The following NIBAN2 variants were observed in gnomAD, a reference collection of about 807,000 sequenced individuals.
The protein encoded by NIBAN2 is niban apoptosis regulator 2.
In NIBAN2, 36 loss-of-function variants were observed where a neutral mutation model predicts 81.8. The observed-to-expected ratio is 0.44, with a 90% confidence interval of 0.34 to 0.58. The LOEUF is 0.58. NIBAN2 is among the 20% of genes least tolerant of loss of function. The pLI is 0.02. For missense variants in NIBAN2, 897 were observed against 1,014.1 expected (o/e 0.88, Z 1.57); for synonymous variants, 445 against 441.6 (o/e 1.01, Z -0.10).
chr9:127,554,548 C>CTTTTTTTTTTTTTTTTTTTT (rs1230242603), intron 1 of NIBAN2, among the ~76,000 whole-genome samples: 17 of 103,706 alleles, frequency 1.6e-4, no homozygotes, highest in Non-Finnish European at 2.0e-4. Flanking sequence ...TTTTCTTTTT[C>CTTTTTTTTTTTTTTTTTTTT]TTTTTTTTTT....
chr9:127,524,854 A>C, intron 4 of NIBAN2: 1 of 539,182 alleles, frequency 1.9e-6, no homozygotes, highest in Non-Finnish European at 3.3e-6. Context: ...TTACGAGGGA[A>C]GGTCACTGAA....
At chr9:127,575,772 C>T (rs1211780528) in intron 1 of NIBAN2, among the ~76,000 whole-genome samples, 2 of 151,854 alleles carry the variant, frequency 1.3e-5, no homozygotes, top group Admixed American at 6.6e-5. Context: ...TCAGGTGATC[C>T]GCCCGCCTTG....
At chr9:127,550,738 C>G (rs1426878467) in intron 1 of NIBAN2, among the ~76,000 whole-genome samples, 2 of 152,224 alleles carry the variant, frequency 1.3e-5, no homozygotes, top group African/African-American at 2.4e-5. Context: ...GAGGCAGGAC[C>G]CTTCCTGCAA....
At chr9:127,543,303 C>T (rs1047857297) in intron 1 of NIBAN2, among the ~76,000 whole-genome samples, 2 of 152,178 alleles carry the variant, frequency 1.3e-5, no homozygotes, top group African/African-American at 4.8e-5. Flanking sequence ...CTGACATAGA[C>T]CCGGACAACA....
chr9:127,527,126 A>G, intron 3 of NIBAN2, 68 bp downstream of exon 3: 1 of 1,587,058 alleles, frequency 6.3e-7, no homozygotes, highest in Non-Finnish European at 8.6e-7. Flanking sequence ...TAAGTTTCCG[A>G]GTTGGGGGAG....
chr9:127,508,130 G>C lies in NIBAN2; in HGVS notation c.1505C>G (p.Pro502Arg). ...AGGGGCCAGCTTCTTGAGCAGGAAC[G>C]GGATGCTGATCTGCAGCAGCGCCTC... ...FREALLQISI[P>R]FLLKKLAPTC... The change falls in exon 12 of 14, where the codon CCG (proline) becomes CGG (arginine). Residue 502 changes from proline to arginine, a missense_variant. Pro to Arg is a moderately radical substitution (Grantham distance 103). Transcript: ENST00000373312. This position sits in a 1 kb window ranked among gnomAD's most constrained non-coding sequence, Gnocchi z 6.4. The C allele has an allele frequency of 6.2e-7, 1 of 1,613,616 alleles. No homozygotes were observed. Among genetic ancestry groups the C allele is most frequent in the Non-Finnish European group, 8.5e-7 (1 of 1,180,014 alleles).
chr9:127,541,309 A>G (rs1490493153), intron 1 of NIBAN2, among the ~76,000 whole-genome samples: 2 of 152,196 alleles, frequency 1.3e-5, no homozygotes, highest in African/African-American at 4.8e-5. Flanking sequence ...TCGACACACA[A>G]TAGCAGCAGC....
chr9:127,558,076 G>T (rs927779555), intron 1 of NIBAN2, among the ~76,000 whole-genome samples: 1 of 152,144 alleles, frequency 6.6e-6, no homozygotes, highest in African/African-American at 2.4e-5. Context: ...CTGGCAGCCT[G>T]AAATATAGGA....
At chr9:127,512,252 T>A (rs1836750867) in intron 8 of NIBAN2, among the ~76,000 whole-genome samples, 1 of 151,520 alleles carries the variant, frequency 6.6e-6, no homozygotes, top group African/African-American at 2.4e-5. Context: ...CTTCAAGTTC[T>A]CCCGCCTTTC....
At chr9:127,549,224 C>T (rs1837528385) in intron 1 of NIBAN2, among the ~76,000 whole-genome samples, 1 of 152,182 alleles carries the variant, frequency 6.6e-6, no homozygotes, top group African/African-American at 2.4e-5. Context: ...CAGCCAAGCA[C>T]CCTCTACTGC....
chr9:127,509,516 T>C (rs1836686944), intron 9 of NIBAN2, among the ~76,000 whole-genome samples: 1 of 152,146 alleles, frequency 6.6e-6, no homozygotes, highest in Non-Finnish European at 1.5e-5. Context: ...TCTCAGATTC[T>C]GGGATTATTA....
At chr9:127,514,570 A>G (rs1443166477) in intron 8 of NIBAN2, among the ~76,000 whole-genome samples, 1 of 152,246 alleles carries the variant, frequency 6.6e-6, no homozygotes, top group East Asian at 1.9e-4. Flanking sequence ...TCGTTTGAAC[A>G]AAAAGAACAA....
chr9:127,527,972 T>C (rs909084008), intron 2 of NIBAN2, among the ~76,000 whole-genome samples: 1 of 152,192 alleles, frequency 6.6e-6, no homozygotes, highest in Non-Finnish European at 1.5e-5. Flanking sequence ...GCTAGTGACC[T>C]ACATGGGCTG....
At chr9:127,553,700 A>G (rs1432007001) in intron 1 of NIBAN2, among the ~76,000 whole-genome samples, 1 of 152,180 alleles carries the variant, frequency 6.6e-6, no homozygotes, top group Non-Finnish European at 1.5e-5. Context: ...CATCCTGTGC[A>G]TATTACCCTG....
chr9:127,527,541 C>T (rs891321127), intron 2 of NIBAN2, among the ~76,000 whole-genome samples: 5 of 152,194 alleles, frequency 3.3e-5, no homozygotes, highest in African/African-American at 1.2e-4. Context: ...AGGGGCTCAC[C>T]CAGCATCCAG....
At chr9:127,532,820 C>T (rs1431402123) in intron 1 of NIBAN2, among the ~76,000 whole-genome samples, 1 of 151,746 alleles carries the variant, frequency 6.6e-6, no homozygotes, top group Non-Finnish European at 1.5e-5. Flanking sequence ...ATCGCTTGAG[C>T]CCAGGAGTTT....
Position 127,544,951 on chromosome 9 carries a change from G to T in NIBAN2, c.56-13173C>A, listed in dbSNP as rs1305457219. On this transcript the variant is annotated intron_variant, in intron 1 of 13. Transcript: ENST00000373312. Reference sequence around the variant, plus strand: ...TCCAAACTATCTTTTGGACAGATGGGGAAACTGAGGCTGGGGAAATGGGGA... The same window carrying T: ...TCCAAACTATCTTTTGGACAGATGGTGAAACTGAGGCTGGGGAAATGGGGA... Among the ~76,000 whole-genome samples, 26 of 152,202 alleles carry T rather than the reference G, an allele frequency of 1.7e-4. 1 individual carries two copies. The highest frequency in any genetic ancestry group is 1.7e-3 in the Admixed American group (26 of 15,274).
chr9:127,507,410 T>C lies in NIBAN2; in HGVS notation c.1676A>G (p.Gln559Arg), dbSNP rs561975739. The change falls in exon 14 of 14, where the codon CAG (glutamine) becomes CGG (arginine). Residue 559 changes from glutamine (Q) to arginine (R), a missense_variant. Around this residue, in one of 3 missense-constraint regions of NIBAN2, gnomAD observed 619 missense variants for 691.0 expected, o/e 0.90. Transcript: ENST00000373312. The surrounding 1 kb of genome is among the most constrained non-coding windows in gnomAD (Gnocchi z 6.8). ...GTCCCGGTAGAGGTTGTGCTTCCTC[T>C]GCACCGCGGCCTCCTTCACAGCTAC... ...ILQAVKEAAV[Q>R]RKHNLYRDSM... The C allele has an allele frequency of 3.3e-6, 5 of 1,513,950 alleles. No homozygotes were observed. Among genetic ancestry groups the C allele is most frequent in the South Asian group, 1.3e-5 (1 of 74,788 alleles). The allele number at this position is 1,513,950 out of a possible 1,614,324, so 93.8% of individuals were successfully genotyped here. A position where few individuals can be genotyped will look rare whatever the true frequency, so the allele number is the denominator to read the frequency against.
intron 4 of NIBAN2, chr9:127,524,677 A>T: frequency 5.7e-6 from 1 of 175,178 alleles, no homozygotes; most frequent in Non-Finnish European, 1.2e-5. Flanking sequence ...TCCCTGGGGC[A>T]TGACCTGCCC....
Sources: gnomAD v4.1 joint callset for allele counts (sites outside exome capture counted in the v4.1 genomes callset) on GRCh38, gnomAD v4.1.1 for gene constraint, gnomAD v4.1.1 regional missense constraint, Gnocchi (gnomAD v3.1) non-coding constraint, MANE v1.5 for transcripts, NCBI Gene and HGNC (gene_info 2026-07-23, HGNC 2026-07-21) for gene names.